The following PCCB variants were observed in gnomAD, a reference collection of about 807,000 sequenced individuals.
PCCB encodes the protein propionyl-CoA carboxylase subunit beta.
In PCCB, 43 loss-of-function variants were observed where a neutral mutation model predicts 60.7. The ratio of observed to expected loss-of-function variants is 0.71; its 90% CI spans 0.55 to 0.91. PCCB has a LOEUF of 0.91. PCCB is among the 40% of genes least tolerant of loss of function. PCCB has a pLI of 0.00. For synonymous variants in PCCB, 276 were observed against 255.9 expected, an observed-to-expected ratio of 1.08 and a Z score of -0.75; for missense variants, 766 against 702.8, an observed-to-expected ratio of 1.09 and a Z score of -1.02.
At chr3:136,252,879 A>G (rs1215472154) in intron 1 of PCCB, among the ~76,000 whole-genome samples, 5 of 145,932 alleles carry the variant, frequency 3.4e-5, no homozygotes, top group East Asian at 4.1e-4. Flanking sequence ...TTTACATGAC[A>G]GTGTATAGGA....
At chr3:136,280,389 C>T (rs529266246) in intron 5 of PCCB, among the ~76,000 whole-genome samples, 5 of 152,142 alleles carry the variant, frequency 3.3e-5, no homozygotes, top group African/African-American at 1.2e-4. Flanking sequence ...CTCTGTTGCC[C>T]AGGATGGAGT....
At chr3:136,283,668 A>T (rs1942536901) in intron 5 of PCCB, among the ~76,000 whole-genome samples, 169 bp from the exon 6 acceptor site, 1 of 152,180 alleles carries the variant, frequency 6.6e-6, no homozygotes, top group Non-Finnish European at 1.5e-5. Context: ...TACGGGGAGA[A>T]AATGCACATA....
In PCCB at chr3:136,319,934, C is replaced by T. The variant is rs571588722; in HGVS notation, c.1090+2870C>T. ...TTTGCATGTGGAAATCCAGTTATTC[C>T]AGCACCGTTTGTTGAAGAGATTATT... is the stretch of plus-strand genomic sequence containing the variant. On this transcript the variant is annotated intron_variant, in intron 10 of 14. Transcript: ENST00000251654. Among the ~76,000 whole-genome samples the T allele has an allele frequency of 3.3e-5, 5 of 152,230 alleles. No individual in the cohort carries two copies. In the East Asian group the frequency reaches 7.7e-4, roughly 24 times the overall value.
intron 6 of PCCB, among the ~76,000 whole-genome samples, chr3:136,288,872 G>A (rs928869631): frequency 1.3e-5 from 2 of 151,806 alleles, no homozygotes; most frequent in African/African-American, 4.8e-5. Context: ...GTGCGATCTC[G>A]GCTCACTGCA....
At chr3:136,312,786 A>G (rs1262492573) in intron 9 of PCCB, among the ~76,000 whole-genome samples, 1 of 152,212 alleles carries the variant, frequency 6.6e-6, no homozygotes, top group Non-Finnish European at 1.5e-5. Flanking sequence ...CCCACTCTTC[A>G]TAGCAAAAAA....
At chr3:136,313,199 C>T (rs1050676599) in intron 9 of PCCB, among the ~76,000 whole-genome samples, 1 of 152,182 alleles carries the variant, frequency 6.6e-6, no homozygotes, top group Non-Finnish European at 1.5e-5. Flanking sequence ...TCAGCAATCC[C>T]ATTCCTAGCA....
At chr3:136,326,249 C>A in intron 10 of PCCB, 1 of 684,914 alleles carries the variant, frequency 1.5e-6, no homozygotes, top group Non-Finnish European at 2.6e-6. Flanking sequence ...ATACTGGTCT[C>A]ATAGAATTAA....
chr3:136,273,590 CTTTTTTCTTTTTTTTTT>C (rs1942258316), intron 5 of PCCB, among the ~76,000 whole-genome samples: 1 of 65,638 alleles, frequency 1.5e-5, no homozygotes, highest in Admixed American at 1.6e-4. Context: ...TTTTTTTTTT[CTTTTTTCTTTTTTTTTT>C]TTTTTTTTTT....
intron 5 of PCCB, among the ~76,000 whole-genome samples, chr3:136,262,593 TGAAAA>T (rs1941856593): frequency 6.6e-6 from 1 of 152,112 alleles, no homozygotes; most frequent in South Asian, 2.1e-4. Flanking sequence ...GAGAAAGAAA[TGAAAA>T]GAAACATAAA....
At position 136,301,106 on chromosome 3, in the gene PCCB, C is replaced by T; in HGVS notation, c.961C>T (p.His321Tyr). Residue 321 changes from histidine (H) to tyrosine (Y), a missense_variant, in exon 9 of 15, where the codon CAC becomes TAC. His to Tyr is a moderately conservative substitution (Grantham distance 83). Transcript: ENST00000251654. ...TKAYNMVDII[H>Y]SVVDEREFFE... Reference sequence around the variant, plus strand: ...AGCCTACAACATGGTGGACATCATACACTCTGTAAGTGCCACATCTGTTTG... The same window carrying T: ...AGCCTACAACATGGTGGACATCATATACTCTGTAAGTGCCACATCTGTTTG... 3 of 1,611,794 alleles carry T rather than the reference C, an allele frequency of 1.9e-6. No homozygotes were observed. The highest frequency in any genetic ancestry group is 2.5e-6 in the Non-Finnish European group (3 of 1,177,760).
At chr3:136,281,094 G>A (rs2108177531) in intron 5 of PCCB, among the ~76,000 whole-genome samples, 1 of 152,148 alleles carries the variant, frequency 6.6e-6, no homozygotes, top group South Asian at 2.1e-4. Flanking sequence ...ACTATAATAT[G>A]TCTCCGTGTA....
intron 5 of PCCB, among the ~76,000 whole-genome samples, chr3:136,263,864 T>C (rs1941896478): frequency 6.6e-6 from 1 of 152,106 alleles, no homozygotes; most frequent in African/African-American, 2.4e-5. Context: ...ATACAAAAAT[T>C]AGCTGGGCAT....
At chr3:136,322,460 CT>C (rs1935142951) in intron 10 of PCCB, among the ~76,000 whole-genome samples, 1 of 152,156 alleles carries the variant, frequency 6.6e-6, no homozygotes, top group African/African-American at 2.4e-5. Context: ...CAGAGTGATG[CT>C]GGACTCATAG....
Position 136,329,883 on chromosome 3 carries a change from T to C in PCCB, c.1499-22T>C, listed in dbSNP as rs746767571. 8 of 1,613,908 alleles carry C rather than the reference T, an allele frequency of 5.0e-6. No homozygotes were observed. In the South Asian group the frequency reaches 8.8e-5, roughly 18 times the overall value. On this transcript the variant is annotated intron_variant, in intron 14 of 14. Transcript: ENST00000251654. ...TCATCTCGGGATGCAGATGATCCAC[T>C]CCCTTTTCTGTGCTTCACCAGGGTT...
At chr3:136,255,998 G>A (rs372900188) in intron 2 of PCCB, 23 bp downstream of exon 2, 67 of 1,613,978 alleles carry the variant, frequency 4.2e-5, no homozygotes, top group Admixed American at 1.2e-4. Flanking sequence ...ATGGTGGTGT[G>A]AACACTTTTT....
intron 3 of PCCB, chr3:136,260,077 G>A (rs1463061275): frequency 3.6e-6 from 1 of 275,156 alleles, no homozygotes; most frequent in Non-Finnish European, 6.9e-6. Context: ...GTTTTGTTTT[G>A]TTTTGTTTTG....
At chr3:136,254,628 G>A (rs1031574385) in intron 1 of PCCB, among the ~76,000 whole-genome samples, 1 of 143,420 alleles carries the variant, frequency 7.0e-6, no homozygotes, top group Admixed American at 7.5e-5. Flanking sequence ...CGCTTCCCAG[G>A]TTCAAGTGAT....
At chr3:136,299,376 A>G (rs1576339034) in intron 8 of PCCB, among the ~76,000 whole-genome samples, 2 of 151,972 alleles carry the variant, frequency 1.3e-5, no homozygotes, top group Non-Finnish European at 2.9e-5. Context: ...ATAGGTATAT[A>G]TGCATATGTA....
intron 10 of PCCB, among the ~76,000 whole-genome samples, chr3:136,322,376 G>A (rs1451040487): frequency 2.6e-5 from 4 of 152,028 alleles, no homozygotes; most frequent in African/African-American, 9.7e-5. Flanking sequence ...ATTTTGTTGA[G>A]GATTTTTTCA....
Sources: allele counts gnomAD v4.1 joint callset (sites outside exome capture counted in the v4.1 genomes callset), GRCh38; gene constraint gnomAD v4.1.1; transcripts MANE v1.5; gene names NCBI Gene and HGNC (gene_info 2026-07-23, HGNC 2026-07-21).